The following IRX3 variants were observed in gnomAD, a reference collection of about 807,000 sequenced individuals.
The protein encoded by IRX3 is iroquois homeobox 3, also known as iroquois-class homeodomain protein IRX-3.
In IRX3, 20 loss-of-function variants were observed where a neutral mutation model predicts 36.4. The ratio of observed to expected loss-of-function variants is 0.55; its 90% CI spans 0.39 to 0.80. The LOEUF (loss-of-function observed/expected upper bound fraction) is 0.80, where lower values mean the gene tolerates loss of function less well. Among genes scored for constraint, IRX3 ranks in the 30% least tolerant of loss-of-function variants. The pLI, the probability that IRX3 is intolerant of heterozygous loss-of-function variation, is 0.00. For synonymous variants in IRX3, 404 were observed against 351.6 expected, an observed-to-expected ratio of 1.15 and a Z score of -1.67; for missense variants, 718 against 733.2, an observed-to-expected ratio of 0.98 and a Z score of 0.24.
At position 54,284,578 on chromosome 16, in the gene IRX3, G is replaced by T; in HGVS notation, c.1303C>A (p.Leu435Met). 1 of 1,403,698 alleles carries T rather than the reference G, an allele frequency of 7.1e-7. No homozygotes were observed. Among genetic ancestry groups the T allele is most frequent in the South Asian group, 1.6e-5 (1 of 62,364 alleles). 87.0% of individuals were successfully genotyped at this position (1,403,698 alleles called of 1,614,324 possible). A position where few individuals can be genotyped will look rare whatever the true frequency, so the allele number is the denominator to read the frequency against. ...CCCGCGGCTCCGGGAAGTCCCAGCAGGTGCGGAGGGGCAGAGCCCAGCAGG... is the reference window on the plus strand; with the variant it reads ...CCCGCGGCTCCGGGAAGTCCCAGCATGTGCGGAGGGGCAGAGCCCAGCAGG... ...LSLLGSAPPH[L>M]LGLPGAAGHP... The change falls in exon 2 of 4, where the codon CTG becomes ATG. Residue 435 changes from leucine to methionine, a missense_variant. Physicochemically the swap from Leu to Met is conservative, Grantham distance 15. Around this residue, in one of 3 missense-constraint regions of IRX3, gnomAD observed 468 missense variants for 462.1 expected, o/e 1.01. Transcript: ENST00000329734. The surrounding 1 kb of genome is among the most constrained non-coding windows in gnomAD (Gnocchi z 4.0).
rs200154451 is a variant in IRX3, at chr16:54,283,672, T to G, written c.*14A>C. ...AAAAAAAGTTTTTTTTGTTTTTTTG[T>G]TTTTTTTAAAGAACTAGGATGAGGA... On this transcript the variant is annotated 3_prime_UTR_variant, in exon 4 of 4. Coordinates refer to ENST00000329734, the MANE Select transcript of IRX3 (RefSeq NM_024336.3). This position sits in a 1 kb window ranked among gnomAD's most constrained non-coding sequence, Gnocchi z 4.4. The G allele has an allele frequency of 1.6e-5, 19 of 1,223,890 alleles. No homozygotes were observed. In the Middle Eastern group the frequency reaches 6.4e-4, roughly 41 times the overall value. 75.8% of individuals were successfully genotyped at this position (1,223,890 alleles called of 1,614,324 possible).
chr16:54,285,503 C>T lies in IRX3; in HGVS notation c.378G>A (p.Gly126=), dbSNP rs1901305995. Residue 126 remains glycine, a synonymous_variant, in exon 2 of 4, where the codon GGG becomes GGA. Coordinates refer to ENST00000329734, the MANE Select transcript of IRX3 (RefSeq NM_024336.3). This position sits in a 1 kb window ranked among gnomAD's most constrained non-coding sequence, Gnocchi z 5.7. ...TGGCGTTCTTGGGACGGGACGGGTC[C>T]CCGAACTGGTACTGGCCATACGGGT... ...AFYPYGQYQF[G]DPSRPKNATR... is the part of the protein sequence containing the mutation. The T allele has an allele frequency of 6.2e-7, 1 of 1,614,066 alleles. No individual in the cohort carries two copies. Among genetic ancestry groups the T allele is most frequent in the Non-Finnish European group, 8.5e-7 (1 of 1,179,996 alleles).
In IRX3 at chr16:54,285,254, C is replaced by T; in HGVS notation, c.627G>A (p.Glu209=). The T allele has an allele frequency of 1.2e-6, 2 of 1,613,826 alleles. No individual in the cohort carries two copies. Among genetic ancestry groups the T allele is most frequent in the Non-Finnish European group, 1.7e-6 (2 of 1,179,918 alleles). ...TDEEGNAYGS[E]REEEDEEEDE... is the part of the protein sequence containing the mutation. Reference sequence around the variant, plus strand: ...CCTCCTCTTCGTCTTCCTCCTCGCGCTCGCTCCCATAAGCGTTTCCCTCCT... The same window carrying T: ...CCTCCTCTTCGTCTTCCTCCTCGCGTTCGCTCCCATAAGCGTTTCCCTCCT... The change falls in exon 2 of 4, where the codon GAG becomes GAA. Residue 209 remains glutamate (E), a synonymous_variant. Transcript: ENST00000329734. This position sits in a 1 kb window ranked among gnomAD's most constrained non-coding sequence, Gnocchi z 5.7.
chr16:54,285,920 T>G lies in IRX3; in HGVS notation c.131A>C (p.Asn44Thr), dbSNP rs2144732558. The G allele has an allele frequency of 6.7e-7, 1 of 1,502,742 alleles. No homozygotes were observed. Among genetic ancestry groups the G allele is most frequent in the Non-Finnish European group, 8.9e-7 (1 of 1,125,678 alleles). 93.1% of individuals were successfully genotyped at this position (1,502,742 alleles called of 1,614,324 possible). A position where few individuals can be genotyped will look rare whatever the true frequency, so the allele number is the denominator to read the frequency against. ...CACGTTGGACAGGGACCCCGAGGCG[T>G]TCAGCTCCGAGGCTCCGGCACCCAG... ...GGLGAGASEL[N>T]ASGSLSNVLS... The change falls in exon 1 of 4, where the codon AAC becomes ACC. Residue 44 changes from asparagine (N) to threonine (T), a missense_variant. Asn to Thr is a moderately conservative substitution (Grantham distance 65). Around this residue, in one of 3 missense-constraint regions of IRX3, gnomAD observed 204 missense variants for 181.4 expected, o/e 1.12. Transcript: ENST00000329734. This position sits in a 1 kb window ranked among gnomAD's most constrained non-coding sequence, Gnocchi z 5.7.
chr16:54,286,516 T>A lies in IRX3; in HGVS notation c.-466A>T. 2.2e-6 allele frequency: 1 copy of A among 452,392 alleles called. No individual in the cohort carries two copies. The highest frequency in any genetic ancestry group is 2.9e-6 in the Non-Finnish European group (1 of 343,146). 28.0% of individuals were successfully genotyped at this position (452,392 alleles called of 1,614,324 possible). A position where few individuals can be genotyped will look rare whatever the true frequency, so the allele number is the denominator to read the frequency against. ...CACTCCTCTTCCCCCCAGGATCGCT[T>A]CCGCTGCTTCGGGCTCCTGCACTGC... On this transcript the variant is annotated 5_prime_UTR_variant, in exon 1 of 4. Coordinates refer to ENST00000329734, the MANE Select transcript of IRX3 (RefSeq NM_024336.3).
Position 54,286,214 on chromosome 16 carries a change from G to T in IRX3, c.-164C>A. 1.9e-6 allele frequency: 1 copy of T among 526,254 alleles called. No homozygotes were observed. Among genetic ancestry groups the T allele is most frequent in the African/African-American group, 1.9e-5 (1 of 52,298 alleles). The allele number at this position is 526,254 out of a possible 1,614,324, so 32.6% of individuals were successfully genotyped here. A position where few individuals can be genotyped will look rare whatever the true frequency, so the allele number is the denominator to read the frequency against. On this transcript the variant is annotated 5_prime_UTR_variant, in exon 1 of 4. Transcript: ENST00000329734. ...CGTTCGCCTATTGATCTGCTCCGCG[G>T]CGGCGACGGCGGCGGCGAGGGCGGC...
rs772951771 is a variant in IRX3 at position 54,285,242 on chromosome 16, T to G, written c.639A>C (p.Glu213Asp). 2 of 1,612,782 alleles carry G rather than the reference T, an allele frequency of 1.2e-6. No homozygotes were observed. The highest frequency in any genetic ancestry group is 3.3e-5 in the Admixed American group (2 of 59,804). ...GNAYGSEREEEDEEEDEEDGK... is the reference protein window; with the variant it reads ...GNAYGSEREEDDEEEDEEDGK... ...CGTCCTCCTCGTCCTCCTCTTCGTC[T>G]TCCTCCTCGCGCTCGCTCCCATAAG... is the stretch of plus-strand genomic sequence containing the variant. The change falls in exon 2 of 4, where the codon GAA becomes GAC. Residue 213 changes from glutamate to aspartate, a missense_variant. Physicochemically the swap from Glu to Asp is conservative, Grantham distance 45. Around this residue, in one of 3 missense-constraint regions of IRX3, gnomAD observed 468 missense variants for 462.1 expected, o/e 1.01. Coordinates refer to ENST00000329734, the MANE Select transcript of IRX3 (RefSeq NM_024336.3). This position sits in a 1 kb window ranked among gnomAD's most constrained non-coding sequence, Gnocchi z 5.7.
At position 54,286,156 on chromosome 16, in the gene IRX3, G is replaced by A; in HGVS notation, c.-106C>T. The A allele has an allele frequency of 9.3e-7, 1 of 1,074,264 alleles. No individual in the cohort carries two copies. Among genetic ancestry groups the A allele is most frequent in the African/African-American group, 1.7e-5 (1 of 59,054 alleles). The allele number at this position is 1,074,264 out of a possible 1,614,324, so 66.5% of individuals were successfully genotyped here. On this transcript the variant is annotated 5_prime_UTR_variant, in exon 1 of 4. Transcript: ENST00000329734. ...CATCGGGGGCTGGGCCGGGCTTGGG[G>A]CCGCGCTGCCGCCCGCGCTGCGCTG...
chr16:54,284,474 C>A lies in IRX3; in HGVS notation c.1384+23G>T. ...CTACCCGCAGAGCCCGCCCCCGCTCCGCGCCCAGCGCTCAGCAGTCACCTG... is the reference window on the plus strand; with the variant it reads ...CTACCCGCAGAGCCCGCCCCCGCTCAGCGCCCAGCGCTCAGCAGTCACCTG... On this transcript the variant is annotated intron_variant, in intron 2 of 3. Transcript: ENST00000329734. This position sits in a 1 kb window ranked among gnomAD's most constrained non-coding sequence, Gnocchi z 4.0. 1 of 1,391,300 alleles carries A rather than the reference C, an allele frequency of 7.2e-7. No homozygotes were observed. Among genetic ancestry groups the A allele is most frequent in the East Asian group, 3.0e-5 (1 of 32,948 alleles). 86.2% of individuals were successfully genotyped at this position (1,391,300 alleles called of 1,614,324 possible).
chr16:54,284,833 A>G lies in IRX3; in HGVS notation c.1048T>C (p.Trp350Arg). ...PASALQKPKIWSLAETATSPD... is the reference protein window; with the variant it reads ...PASALQKPKIRSLAETATSPD... ...CTTGTGGCAGTCTCCGCGAGGGACC[A>G]GATCTTGGGCTTCTGCAGGGCGGAG... Residue 350 changes from tryptophan to arginine, a missense_variant, in exon 2 of 4, where the codon TGG becomes CGG. Coordinates refer to ENST00000329734, the MANE Select transcript of IRX3 (RefSeq NM_024336.3). The surrounding 1 kb of genome is among the most constrained non-coding windows in gnomAD (Gnocchi z 4.0). 1 of 1,528,066 alleles carries G rather than the reference A, an allele frequency of 6.5e-7. No individual in the cohort carries two copies. The highest frequency in any genetic ancestry group is 8.7e-7 in the Non-Finnish European group (1 of 1,143,066). The allele number at this position is 1,528,066 out of a possible 1,614,324, so 94.7% of individuals were successfully genotyped here.
At position 54,286,015 on chromosome 16, in the gene IRX3, G is replaced by A. The variant is rs1261311583; in HGVS notation, c.36C>T (p.Arg12=). ...SFPQLGYQYI[R]PLYPSERPGA... is the part of the protein sequence containing the mutation. ...CCGGGCGCTCGGACGGGTAAAGCGG[G>A]CGGATGTATTGGTATCCCAGCTGGG... The change falls in exon 1 of 4, where the codon CGC becomes CGT. Residue 12 remains arginine (R), a synonymous_variant. Coordinates refer to ENST00000329734, the MANE Select transcript of IRX3 (RefSeq NM_024336.3). The A allele has an allele frequency of 6.0e-6, 8 of 1,343,424 alleles. No homozygotes were observed. The highest frequency in any genetic ancestry group is 2.8e-4 in the Middle Eastern group (1 of 3,550). The allele number at this position is 1,343,424 out of a possible 1,614,324, so 83.2% of individuals were successfully genotyped here.
At position 54,283,984 on chromosome 16, in the gene IRX3, G is replaced by A; in HGVS notation, c.1452-244C>T. 1.4e-6 allele frequency: 2 copies of A among 1,436,288 alleles called. No individual in the cohort carries two copies. The highest frequency in any genetic ancestry group is 1.5e-5 in the South Asian group (1 of 65,842). 89.0% of individuals were successfully genotyped at this position (1,436,288 alleles called of 1,614,324 possible). A position where few individuals can be genotyped will look rare whatever the true frequency, so the allele number is the denominator to read the frequency against. ...GAACCGCCACCCGCCCCAGGGGCCTGTGGGCCCAGCCACGCAAGGCTTCCC... is the reference window on the plus strand; with the variant it reads ...GAACCGCCACCCGCCCCAGGGGCCTATGGGCCCAGCCACGCAAGGCTTCCC... On this transcript the variant is annotated intron_variant, in intron 3 of 3. Transcript: ENST00000329734. This position sits in a 1 kb window ranked among gnomAD's most constrained non-coding sequence, Gnocchi z 4.4.
In IRX3 at chr16:54,285,989, C is replaced by G. The variant is rs1901328231; in HGVS notation, c.62G>C (p.Gly21Ala). The G allele has an allele frequency of 7.4e-7, 1 of 1,359,508 alleles. No homozygotes were observed. Among genetic ancestry groups the G allele is most frequent in the Non-Finnish European group, 9.4e-7 (1 of 1,059,330 alleles). The allele number at this position is 1,359,508 out of a possible 1,614,324, so 84.2% of individuals were successfully genotyped here. ...GCTGCCGCCGCTGCCGCCAGCGGCCCCCGGGCGCTCGGACGGGTAAAGCGG... is the reference window on the plus strand; with the variant it reads ...GCTGCCGCCGCTGCCGCCAGCGGCCGCCGGGCGCTCGGACGGGTAAAGCGG... ...IRPLYPSERP[G>A]AAGGSGGSAG... is the part of the protein sequence containing the mutation. Residue 21 changes from glycine to alanine, a missense_variant, in exon 1 of 4, where the codon GGG (glycine) becomes GCG (alanine). Gly to Ala is a moderately conservative substitution (Grantham distance 60, BLOSUM62 0). Transcript: ENST00000329734. The surrounding 1 kb of genome is among the most constrained non-coding windows in gnomAD (Gnocchi z 5.7).
Position 54,284,054 on chromosome 16 carries a change from C to G in IRX3, c.1451+192G>C, listed in dbSNP as rs1901246372. 7.9e-7 allele frequency: 1 copy of G among 1,258,914 alleles called. No individual in the cohort carries two copies. Among genetic ancestry groups the G allele is most frequent in the African/African-American group, 1.5e-5 (1 of 66,038 alleles). 78.0% of individuals were successfully genotyped at this position (1,258,914 alleles called of 1,614,324 possible). A position where few individuals can be genotyped will look rare whatever the true frequency, so the allele number is the denominator to read the frequency against. On this transcript the variant is annotated intron_variant, in intron 3 of 3. Coordinates refer to ENST00000329734, the MANE Select transcript of IRX3 (RefSeq NM_024336.3). The surrounding 1 kb of genome is among the most constrained non-coding windows in gnomAD (Gnocchi z 4.0). ...TACCCTCCGGCCGCGCCTGGGGTGCCTGGGCTGGACCTGGAGAGCTGTCGC... is the reference window on the plus strand; with the variant it reads ...TACCCTCCGGCCGCGCCTGGGGTGCGTGGGCTGGACCTGGAGAGCTGTCGC...
At position 54,285,152 on chromosome 16, in the gene IRX3, C is replaced by T. The variant is rs761357993; in HGVS notation, c.729G>A (p.Glu243=). ...CGTCCTCGTCGTCGTCAGCCAGGCC[C>T]TCGCCCCCCGTGTCCTCCTCCTCCC... ...LGGEEEDTGG[E]GLADDDEDEE... is the part of the protein sequence containing the mutation. Residue 243 remains glutamate (E), a synonymous_variant, in exon 2 of 4, where the codon GAG becomes GAA. Transcript: ENST00000329734. This position sits in a 1 kb window ranked among gnomAD's most constrained non-coding sequence, Gnocchi z 5.7. 2 of 1,608,704 alleles carry T rather than the reference C, an allele frequency of 1.2e-6. No homozygotes were observed. Among genetic ancestry groups the T allele is most frequent in the South Asian group, 2.2e-5 (2 of 90,402 alleles).
In IRX3 at chr16:54,285,645, G is replaced by A. The variant is rs1261090218; in HGVS notation, c.268-32C>T. On this transcript the variant is annotated intron_variant, in intron 1 of 3. Coordinates refer to ENST00000329734, the MANE Select transcript of IRX3 (RefSeq NM_024336.3). The surrounding 1 kb of genome is among the most constrained non-coding windows in gnomAD (Gnocchi z 5.7). ...GCACATGGAGAAGGAAGGGACACGCGCGGAGGGAGCGCGAGTGAGCCCCAG... is the reference window on the plus strand; with the variant it reads ...GCACATGGAGAAGGAAGGGACACGCACGGAGGGAGCGCGAGTGAGCCCCAG... 6 of 1,483,506 alleles carry A rather than the reference G, an allele frequency of 4.0e-6. No homozygotes were observed. The highest frequency in any genetic ancestry group is 5.4e-6 in the Non-Finnish European group (6 of 1,117,320). The allele number at this position is 1,483,506 out of a possible 1,614,324, so 91.9% of individuals were successfully genotyped here. A position where few individuals can be genotyped will look rare whatever the true frequency, so the allele number is the denominator to read the frequency against.
In IRX3 at chr16:54,286,498, C is replaced by T. The variant is rs1300204670; in HGVS notation, c.-448G>A. The T allele has an allele frequency of 3.2e-6, 2 of 627,460 alleles. No individual in the cohort carries two copies. Among genetic ancestry groups the T allele is most frequent in the East Asian group, 1.4e-4 (1 of 7,126 alleles). 38.9% of individuals were successfully genotyped at this position (627,460 alleles called of 1,614,324 possible). Reference sequence around the variant, plus strand: ...TCTCCCCTCCCCTCTCCGCACTCCTCTTCCCCCCAGGATCGCTTCCGCTGC... The same window carrying T: ...TCTCCCCTCCCCTCTCCGCACTCCTTTTCCCCCCAGGATCGCTTCCGCTGC... On this transcript the variant is annotated 5_prime_UTR_variant, in exon 1 of 4. Transcript: ENST00000329734.
chr16:54,284,163 CA>C lies in IRX3; in HGVS notation c.1451+82del. The C allele has an allele frequency of 7.2e-7, 1 of 1,389,138 alleles. No individual in the cohort carries two copies. The highest frequency in any genetic ancestry group is 1.4e-5 in the African/African-American group (1 of 68,970). The allele number at this position is 1,389,138 out of a possible 1,614,324, so 86.1% of individuals were successfully genotyped here. ...AGCAGGGTTCCCCCCTACCCCGGGG[CA>C]AAAGGCCGTGCGTGGTGCTCGGCGT... is the stretch of plus-strand genomic sequence containing the variant. On this transcript the variant is annotated intron_variant, in intron 3 of 3. Transcript: ENST00000329734. This position sits in a 1 kb window ranked among gnomAD's most constrained non-coding sequence, Gnocchi z 4.0.
In IRX3 at chr16:54,285,176, C is replaced by T. The variant is rs1214626995; in HGVS notation, c.705G>A (p.Gly235=). Reference sequence around the variant, plus strand: ...CCTCGCCCCCCGTGTCCTCCTCCTCCCCCCCGAGCTCCTCCTCCTCCAGCT... The same window carrying T: ...CCTCGCCCCCCGTGTCCTCCTCCTCTCCCCCGAGCTCCTCCTCCTCCAGCT... ...ELELEEEELG[G]EEEDTGGEGL... Residue 235 remains glycine, a synonymous_variant, in exon 2 of 4, where the codon GGG becomes GGA. Coordinates refer to ENST00000329734, the MANE Select transcript of IRX3 (RefSeq NM_024336.3). This position sits in a 1 kb window ranked among gnomAD's most constrained non-coding sequence, Gnocchi z 5.7. 8 of 1,602,890 alleles carry T rather than the reference C, an allele frequency of 5.0e-6. No homozygotes were observed. The highest frequency in any genetic ancestry group is 3.4e-5 in the Admixed American group (2 of 58,118).
Sources: allele counts gnomAD v4.1 joint callset, GRCh38; gene constraint gnomAD v4.1.1; regional missense constraint gnomAD v4.1.1; non-coding constraint Gnocchi (gnomAD v3.1); transcripts MANE v1.5; gene names NCBI Gene and HGNC (gene_info 2026-07-23, HGNC 2026-07-21).